Variants in UNC13C observed in about 807,000 individuals in gnomAD.
The protein encoded by UNC13C is protein unc-13 homolog C.
A neutral mutation model predicts 245.4 loss-of-function variants in UNC13C; 174 were observed. That is an observed-to-expected ratio of 0.71 (90% confidence interval 0.63 to 0.80). The LOEUF is 0.80. UNC13C is among the 30% of genes least tolerant of loss of function. The pLI is 0.00. For synonymous variants in UNC13C, 992 were observed against 895.1 expected (o/e 1.11, Z -1.93); for missense variants, 2,829 against 2,602.9 (o/e 1.09, Z -1.89).
At chr15:54,336,584 T>C (rs2038582946) in intron 16 of UNC13C, among the ~76,000 whole-genome samples, 1 of 152,222 alleles carries the variant, frequency 6.6e-6, no homozygotes, top group Admixed American at 6.5e-5. Flanking sequence ...TGGTTTTACC[T>C]TTTATATTTG....
At chr15:54,469,812 G>T (rs1892362495) in intron 19 of UNC13C, among the ~76,000 whole-genome samples, 1 of 151,508 alleles carries the variant, frequency 6.6e-6, no homozygotes. Flanking sequence ...AGTGGTGAGA[G>T]TAGCCATCCT....
At chr15:54,412,756 C>G (rs1439716954) in intron 18 of UNC13C, among the ~76,000 whole-genome samples, 2 of 152,020 alleles carry the variant, frequency 1.3e-5, no homozygotes, top group Non-Finnish European at 2.9e-5. Context: ...TTATTTCTTC[C>G]TTTGCTATCT....
At chr15:54,475,497 C>T (rs1892688099) in intron 19 of UNC13C, among the ~76,000 whole-genome samples, 2 of 151,764 alleles carry the variant, frequency 1.3e-5, no homozygotes, top group African/African-American at 2.4e-5. Context: ...GTGATGTTCC[C>T]CTTCCTGTGT....
At chr15:53,861,634 T>C in the UNC13C span, among the ~76,000 whole-genome samples, 1 of 152,034 alleles carries the variant, frequency 6.6e-6, no homozygotes, top group Non-Finnish European at 1.5e-5. Flanking sequence ...TGCAAACACA[T>C]GTGTGTTAAG....
intron 10 of UNC13C, among the ~76,000 whole-genome samples, chr15:54,270,389 A>G (rs2036655507): frequency 6.6e-6 from 1 of 152,154 alleles, no homozygotes; most frequent in Non-Finnish European, 1.5e-5. Flanking sequence ...TGTGACTTTA[A>G]CTTCTGAGCT....
chr15:54,339,646 T>G (rs199703697), intron 17 of UNC13C, among the ~76,000 whole-genome samples: 71,778 of 121,288 alleles, frequency 0.59, 17,279 homozygotes, highest in East Asian at 0.75. Context: ...TGGAGATATA[T>G]ATATATATAT....
chr15:54,469,152 T>G (rs1449744181), intron 19 of UNC13C, among the ~76,000 whole-genome samples: 1 of 151,532 alleles, frequency 6.6e-6, no homozygotes, highest in African/African-American at 2.4e-5. Flanking sequence ...TTTCACCTCC[T>G]TAACTAAATT....
In UNC13C at chr15:54,300,231, G is replaced by T; in HGVS notation, c.4126G>T (p.Glu1376Ter). ...LHENLFHYLTEVKSNGGVKIP... is the reference protein window; with the variant it reads ...LHENLFHYLT The stretch of plus-strand genomic sequence containing the variant: ...TTAGAATCTGTTCCATTACTTGACT[G>T]AAGTGAAATCTAATGGTGGAGTGAA... The change falls in exon 13 of 33, where the codon GAA (glutamate) becomes TAA (stop). Residue 1376 changes from glutamate to a stop codon, truncating the protein, a stop_gained. Coordinates refer to ENST00000260323, the MANE Select transcript of UNC13C (RefSeq NM_001080534.3). LOFTEE classifies it high-confidence loss of function. 1 of 1,600,614 alleles carries T rather than the reference G, an allele frequency of 6.2e-7. No individual in the cohort carries two copies. Among genetic ancestry groups the T allele is most frequent in the Non-Finnish European group, 8.5e-7 (1 of 1,172,966 alleles).
At chr15:53,867,416 A>G in the UNC13C span, among the ~76,000 whole-genome samples, 2 of 152,180 alleles carry the variant, frequency 1.3e-5, no homozygotes. Flanking sequence ...CTTCTTAGGG[A>G]GGCATCCACA....
At chr15:54,167,602 G>GAAAAAAAAAAAAAAA (rs35210236) in intron 4 of UNC13C, among the ~76,000 whole-genome samples, 2 of 63,570 alleles carry the variant, frequency 3.1e-5, no homozygotes, top group Non-Finnish European at 2.9e-5. Flanking sequence ...ATCCAAATAG[G>GAAAAAAAAAAAAAAA]AAAAAAAAAA....
chr15:54,083,903 G>A (rs1899093527), intron 2 of UNC13C, among the ~76,000 whole-genome samples: 1 of 152,218 alleles, frequency 6.6e-6, no homozygotes, highest in Admixed American at 6.5e-5. Context: ...CACCATCTCA[G>A]TTTGGGTCTG....
intron 2 of UNC13C, among the ~76,000 whole-genome samples, chr15:54,091,878 T>C (rs1899593660): frequency 6.6e-6 from 1 of 152,234 alleles, no homozygotes; most frequent in Non-Finnish European, 1.5e-5. Flanking sequence ...TCCTTAAGTC[T>C]TAGTGTTCTC....
At chr15:53,930,966 C>G in the UNC13C span, among the ~76,000 whole-genome samples, 2 of 152,080 alleles carry the variant, frequency 1.3e-5, no homozygotes, top group African/African-American at 4.8e-5. Flanking sequence ...GAAAAATACT[C>G]TCTAGTCAAA....
rs75545476 is a variant in UNC13C at position 54,060,553 on chromosome 15, G to A, written c.2983+44667G>A. On this transcript the variant is annotated intron_variant, in intron 2 of 32. Transcript: ENST00000260323. ...AACTAGTTCAACCATTGTGGAAGTCGGTGTGGTGATTCCTCAGGGATCTAG... is the reference window on the plus strand; with the variant it reads ...AACTAGTTCAACCATTGTGGAAGTCAGTGTGGTGATTCCTCAGGGATCTAG... Among the ~76,000 whole-genome samples the A allele has an allele frequency of 3.5e-3, 530 of 152,110 alleles. 5 individuals are homozygous for A. The highest frequency in any genetic ancestry group is 0.011 in the African/African-American group (444 of 41,444).
At chr15:53,872,578 A>G in the UNC13C span, among the ~76,000 whole-genome samples, 2 of 152,078 alleles carry the variant, frequency 1.3e-5, no homozygotes, top group Non-Finnish European at 2.9e-5. Flanking sequence ...TCCAGTTACT[A>G]TGAGTCATCA....
At chr15:54,534,869 T>G (rs765390104) in intron 26 of UNC13C, among the ~76,000 whole-genome samples, 1 of 152,166 alleles carries the variant, frequency 6.6e-6, no homozygotes, top group Non-Finnish European at 1.5e-5. Flanking sequence ...CTAAGGAAAT[T>G]TGTTACCCTA....
At chr15:54,605,891 A>G (rs937034266) in intron 30 of UNC13C, among the ~76,000 whole-genome samples, 27 of 152,210 alleles carry the variant, frequency 1.8e-4, no homozygotes, top group Admixed American at 5.2e-4. Context: ...ACTTGCAACT[A>G]TGGATGACAA....
chr15:54,523,121 A>G (rs991488463), intron 24 of UNC13C, among the ~76,000 whole-genome samples: 1 of 152,216 alleles, frequency 6.6e-6, no homozygotes, highest in Non-Finnish European at 1.5e-5. Context: ...ATTTCTTAAA[A>G]TTTTACAAAA....
intron 2 of UNC13C, among the ~76,000 whole-genome samples, chr15:54,136,258 C>G (rs1192600390): frequency 6.6e-6 from 1 of 152,150 alleles, no homozygotes; most frequent in East Asian, 1.9e-4. Context: ...CCACATCAAT[C>G]TCCTGAGTAG....
Sources: gnomAD v4.1 joint callset for allele counts (sites outside exome capture counted in the v4.1 genomes callset) on GRCh38, gnomAD v4.1.1 for gene constraint, MANE v1.5 for transcripts, NCBI Gene and HGNC (gene_info 2026-07-23, HGNC 2026-07-21) for gene names.